The following PCNT variants were observed in gnomAD, a reference collection of about 807,000 sequenced individuals.
The protein encoded by PCNT is pericentrin.
PCNT carries 319 observed loss-of-function variants against 380.4 expected under a neutral mutation model. The ratio of observed to expected loss-of-function variants is 0.84; its 90% CI spans 0.77 to 0.92. The LOEUF (loss-of-function observed/expected upper bound fraction) is 0.92, where lower values mean the gene tolerates loss of function less well. Among genes scored for constraint, PCNT ranks in the 40% least tolerant of loss-of-function variants. The probability of loss-of-function intolerance (pLI) is 0.00; values close to 1 mark genes in which losing one functional copy is unlikely to be tolerated. For synonymous variants in PCNT, 1,845 were observed against 1,735.2 expected, an observed-to-expected ratio of 1.06 and a Z score of -1.57; for missense variants, 4,400 against 4,255.3, an observed-to-expected ratio of 1.03 and a Z score of -0.95.
intron 14 of PCNT, among the ~76,000 whole-genome samples, chr21:46,366,366 C>T (rs940526445): frequency 2.0e-5 from 3 of 152,162 alleles, no homozygotes; most frequent in African/African-American, 7.2e-5. Flanking sequence ...TGGCTTTGGC[C>T]TTTGGCCTCT....
rs1569249294 is a variant in PCNT at position 46,397,384 on chromosome 21, C to G, written c.4336C>G (p.Gln1446Glu). The G allele has an allele frequency of 3.1e-6, 5 of 1,614,082 alleles. No individual in the cohort carries two copies. The highest frequency in any genetic ancestry group is 1.7e-5 in the Admixed American group (1 of 60,010). The change falls in exon 22 of 47, where the codon CAG (glutamine) becomes GAG (glutamate). Residue 1446 changes from glutamine (Q) to glutamate (E), a missense_variant. Physicochemically the swap from Gln to Glu is conservative, Grantham distance 29 (BLOSUM62 2). Transcript: ENST00000359568. Reference protein sequence around the residue: ...MKILESELEEQLSQHRGCAKQ... With the variant: ...MKILESELEEELSQHRGCAKQ... ...GATTTTGGAGTCTGAGTTAGAAGAA[C>G]AGCTGTCTCAGCATCGCGGGTGTGC...
chr21:46,394,439 A>G (rs1438741651), intron 21 of PCNT: 5 of 771,840 alleles, frequency 6.5e-6, no homozygotes, highest in Admixed American at 6.2e-5. Context: ...CACTGGTTCT[A>G]GCTCTCACAT....
intron 35 of PCNT, among the ~76,000 whole-genome samples, chr21:46,428,870 T>C (rs972766115): frequency 2.0e-5 from 3 of 152,226 alleles, no homozygotes; most frequent in Admixed American, 6.5e-5. Flanking sequence ...GAGCTCATGC[T>C]AGAGTTCAGG....
intron 15 of PCNT, among the ~76,000 whole-genome samples, chr21:46,376,423 C>T (rs533195556): frequency 3.3e-5 from 5 of 152,322 alleles, no homozygotes; most frequent in African/African-American, 1.2e-4. Context: ...GAGGTTTGCC[C>T]TCGGGCCCCA....
rs2053708231 is a variant in PCNT, at chr21:46,444,728, T to A, written c.9874T>A (p.Ser3292Thr). 4.3e-6 allele frequency: 7 copies of A among 1,613,130 alleles called. No individual in the cohort carries two copies. The highest frequency in any genetic ancestry group is 5.9e-6 in the Non-Finnish European group (7 of 1,179,518). The change falls in exon 46 of 47, where the codon TCC becomes ACC. Residue 3292 changes from serine (S) to threonine (T), a missense_variant. Physicochemically the swap from Ser to Thr is moderately conservative, Grantham distance 58 (BLOSUM62 1). Transcript: ENST00000359568. The part of the protein sequence containing the change: ...TPSPNSRLER[S>T]LTASQDPEHS... ...ATCCCCAAATTCAAGATTAGAAAGA[T>A]CCCTGACTGCTTCTCAAGATCCAGA...
chr21:46,349,929 A>G, intron 8 of PCNT, 109 bp downstream of exon 8: 2 of 1,089,696 alleles, frequency 1.8e-6, no homozygotes, highest in South Asian at 2.6e-5. Flanking sequence ...TAAGTTCTAA[A>G]TTTAAAGAGA....
intron 15 of PCNT, among the ~76,000 whole-genome samples, chr21:46,376,123 C>T (rs546068835): frequency 2.6e-5 from 4 of 152,182 alleles, no homozygotes; most frequent in East Asian, 1.9e-4. Context: ...TCTGGGATCC[C>T]GGAGGCCGCG....
In PCNT at chr21:46,334,765, A is replaced by G. The variant is rs146348220; in HGVS notation, c.636A>G (p.Thr212=). The G allele has an allele frequency of 5.1e-5, 82 of 1,614,164 alleles. No homozygotes were observed. The African/African-American group carries it at 8.1e-4, about 16-fold the overall frequency. The change falls in exon 3 of 47, where the codon ACA becomes ACG. Residue 212 remains threonine, a synonymous_variant. Coordinates refer to ENST00000359568, the MANE Select transcript of PCNT (RefSeq NM_006031.6). ...CAGCAGAACAGCGTGGGATGTTCAC[A>G]AAGGTATTCTTTAAGTTCTCTGTTA... The part of the protein sequence containing the change: ...DHPAEQRGMF[T]KECEQECELA...
At chr21:46,327,140 A>G (rs2083421211) in intron 2 of PCNT, among the ~76,000 whole-genome samples, 2 of 151,526 alleles carry the variant, frequency 1.3e-5, no homozygotes, top group Non-Finnish European at 2.9e-5. Context: ...GGCTCACTGC[A>G]AGCTCCGCCT....
At chr21:46,383,684 G>A (rs5022694) in intron 16 of PCNT, among the ~76,000 whole-genome samples, 86,920 of 134,936 alleles carry the variant, frequency 0.64, 30,810 homozygotes, top group African/African-American at 0.79. Context: ...ACAGTGTTGT[G>A]TATTCAGTGG....
chr21:46,385,726 C>T (rs2085806102), intron 16 of PCNT, 106 bp from the exon 17 acceptor site: 1 of 1,285,380 alleles, frequency 7.8e-7, no homozygotes, highest in Non-Finnish European at 1.1e-6. Context: ...CTGAAAAGTC[C>T]TAAGTCAGAG....
At chr21:46,345,780 T>C (rs1482208412) in intron 3 of PCNT, among the ~76,000 whole-genome samples, 1 of 152,198 alleles carries the variant, frequency 6.6e-6, no homozygotes, top group Non-Finnish European at 1.5e-5. Context: ...GGCTGCTCCA[T>C]GTCTACGGAT....
chr21:46,329,297 A>G (rs1015080476), intron 2 of PCNT, among the ~76,000 whole-genome samples: 3 of 152,226 alleles, frequency 2.0e-5, no homozygotes, highest in Non-Finnish European at 4.4e-5. Context: ...TATTTGATGC[A>G]TGCCTTCATT....
intron 31 of PCNT, among the ~76,000 whole-genome samples, chr21:46,419,947 G>A (rs1490199168): frequency 1.3e-5 from 2 of 152,214 alleles, no homozygotes; most frequent in Non-Finnish European, 2.9e-5. Flanking sequence ...AGAAGCCTCT[G>A]TAGAAAAGGT....
At chr21:46,431,332 A>G (rs1052002168) in intron 37 of PCNT, 197 bp from the exon 38 acceptor site, 2 of 1,437,754 alleles carry the variant, frequency 1.4e-6, no homozygotes, top group Non-Finnish European at 1.8e-6. Context: ...CGAAAAAAGT[A>G]TGTCATCTCC....
At chr21:46,365,923 CATTCACTGCTGTGGGGTTCT>C (rs2084912400) in intron 14 of PCNT, among the ~76,000 whole-genome samples, 1 of 140,502 alleles carries the variant, frequency 7.1e-6, no homozygotes, top group South Asian at 2.3e-4. Context: ...GGGTTCTATT[CATTCACTGCTGTGGGGTTCT>C]ATTCACTGCT....
At chr21:46,361,370 G>T (rs1024499306) in intron 13 of PCNT, among the ~76,000 whole-genome samples, 1 of 152,196 alleles carries the variant, frequency 6.6e-6, no homozygotes, top group Admixed American at 6.5e-5. Context: ...CAGCCTGAGC[G>T]GCAGAGCGAG....
chr21:46,339,269 T>C (rs2083847801), intron 3 of PCNT, among the ~76,000 whole-genome samples: 1 of 152,296 alleles, frequency 6.6e-6, no homozygotes, highest in Admixed American at 6.5e-5. Context: ...TAGTTGGCAG[T>C]TGGTGTCTTG....
chr21:46,387,930 G>C (rs920260524), intron 17 of PCNT, among the ~76,000 whole-genome samples: 5 of 152,218 alleles, frequency 3.3e-5, no homozygotes, highest in African/African-American at 1.2e-4. Flanking sequence ...AAGCATCCCA[G>C]CCGGGCGCAG....
Sources: gnomAD v4.1 joint callset for allele counts (sites outside exome capture counted in the v4.1 genomes callset) on GRCh38, gnomAD v4.1.1 for gene constraint, MANE v1.5 for transcripts, NCBI Gene and HGNC (gene_info 2026-07-23, HGNC 2026-07-21) for gene names.